The following NELL2 variants were observed in gnomAD, a reference collection of about 807,000 sequenced individuals.
NELL2 encodes the protein neural EGFL like 2.
In NELL2, 41 loss-of-function variants were observed where a neutral mutation model predicts 109.6. The ratio of observed to expected loss-of-function variants is 0.37; its 90% CI spans 0.29 to 0.49. NELL2 has a LOEUF of 0.49. Ranked by LOEUF, NELL2 falls within the 20% of genes least tolerant of loss-of-function variation. The pLI is 0.98. For missense variants in NELL2, 900 were observed against 1,008.3 expected (o/e 0.89, Z 1.45); for synonymous variants, 355 against 344.7 (o/e 1.03, Z -0.33).
rs1054265138 is a variant in NELL2, at chr12:44,665,410, T to C, written c.1444+74A>G. The stretch of plus-strand genomic sequence containing the variant: ...ATTTATGGTATACTTATCAAAAAAA[T>C]GAGAGTCAAAGAAATTTTTAAAAGT... On this transcript the variant is annotated intron_variant, in intron 13 of 19. Transcript: ENST00000429094. 10 of 1,339,512 alleles carry C rather than the reference T, an allele frequency of 7.5e-6. No individual in the cohort carries two copies. The African/African-American group carries it at 1.5e-4, about 20-fold the overall frequency. 83.0% of individuals were successfully genotyped at this position (1,339,512 alleles called of 1,614,324 possible). A position where few individuals can be genotyped will look rare whatever the true frequency, so the allele number is the denominator to read the frequency against.
At chr12:44,881,274 A>G (rs1429972505), upstream of NELL2, among the ~76,000 whole-genome samples, 1 of 152,014 alleles carries the variant, frequency 6.6e-6, no homozygotes, top group African/African-American at 2.4e-5. Flanking sequence ...AATAAGAAAA[A>G]TATAATCAAC....
chr12:44,687,756 A>G (rs1341158924), intron 12 of NELL2, among the ~76,000 whole-genome samples: 1 of 152,228 alleles, frequency 6.6e-6, no homozygotes, highest in Non-Finnish European at 1.5e-5. Context: ...ATCTCTATGC[A>G]TACCTGACCT....
intron 15 of NELL2, among the ~76,000 whole-genome samples, chr12:44,578,225 C>T (rs768999252): frequency 6.6e-6 from 1 of 151,850 alleles, no homozygotes; most frequent in African/African-American, 2.4e-5. Flanking sequence ...AGGAGCTACA[C>T]CTTTCCATTT....
chr12:44,818,015 C>A (rs7964721), intron 2 of NELL2, among the ~76,000 whole-genome samples: 6 of 152,228 alleles, frequency 3.9e-5, no homozygotes, highest in East Asian at 1.9e-4. Flanking sequence ...AGAAACTCTC[C>A]TGTTGCCGAA....
intron 2 of NELL2, among the ~76,000 whole-genome samples, chr12:44,850,266 T>G (rs1176280509): frequency 1.3e-5 from 2 of 152,134 alleles, no homozygotes; most frequent in Admixed American, 6.6e-5. Flanking sequence ...TTTTTCATAA[T>G]TAATTATACA....
intron 13 of NELL2, among the ~76,000 whole-genome samples, chr12:44,662,355 A>G (rs1305666076): frequency 2.0e-5 from 3 of 152,216 alleles, no homozygotes; most frequent in African/African-American, 7.2e-5. Flanking sequence ...AATATGAATC[A>G]TTTCCCTTTA....
upstream of NELL2, among the ~76,000 whole-genome samples, chr12:44,880,105 C>A: frequency 7.3e-6 from 1 of 137,422 alleles, no homozygotes. Context: ...GAAAAATAGT[C>A]AAGAAACATA....
intron 15 of NELL2, among the ~76,000 whole-genome samples, chr12:44,551,976 G>C (rs1004385875): frequency 1.3e-5 from 2 of 152,148 alleles, no homozygotes; most frequent in African/African-American, 4.8e-5. Context: ...CACAGGTCGT[G>C]CATGTAGGCA....
chr12:44,672,994 C>G (rs771536593), intron 12 of NELL2, among the ~76,000 whole-genome samples: 5 of 152,130 alleles, frequency 3.3e-5, no homozygotes, highest in Non-Finnish European at 7.3e-5. Flanking sequence ...TGATTTGGAT[C>G]TCATAGACAT....
intron 9 of NELL2, among the ~76,000 whole-genome samples, chr12:44,763,916 C>T (rs1353424289): frequency 6.6e-6 from 1 of 152,022 alleles, no homozygotes; most frequent in East Asian, 1.9e-4. Context: ...TAATAGTTAA[C>T]AAGTTGGAAG....
At chr12:44,802,953 T>C (rs1942883741) in intron 3 of NELL2, among the ~76,000 whole-genome samples, 1 of 151,964 alleles carries the variant, frequency 6.6e-6, no homozygotes, top group African/African-American at 2.4e-5. Context: ...GATAAAACAC[T>C]AATCAAAATC....
chr12:44,895,123 G>C (rs1386724225), intron 1 of NELL2, among the ~76,000 whole-genome samples: 1 of 152,172 alleles, frequency 6.6e-6, no homozygotes, highest in African/African-American at 2.4e-5. Flanking sequence ...AGATTCTAGA[G>C]AGAAGCCTGA....
chr12:44,535,422 T>G (rs185792088), intron 15 of NELL2, among the ~76,000 whole-genome samples: 1 of 152,182 alleles, frequency 6.6e-6, no homozygotes, highest in East Asian at 1.9e-4. Flanking sequence ...ATTTATTGAA[T>G]GCATTTTATG....
At chr12:44,918,510 T>C (rs964851740), upstream of NELL2, among the ~76,000 whole-genome samples, 1 of 142,140 alleles carries the variant, frequency 7.0e-6, no homozygotes, top group Non-Finnish European at 1.5e-5. Context: ...TGTTCATGCA[T>C]GCATGTATGT....
intron 3 of NELL2, among the ~76,000 whole-genome samples, chr12:44,787,255 A>G (rs1038342747): frequency 1.3e-5 from 2 of 152,096 alleles, no homozygotes; most frequent in African/African-American, 2.4e-5. Flanking sequence ...ACAACATAAC[A>G]CTGATGAAAG....
intron 15 of NELL2, among the ~76,000 whole-genome samples, chr12:44,600,612 C>A (rs1230623440): frequency 6.6e-6 from 1 of 152,128 alleles, no homozygotes; most frequent in Non-Finnish European, 1.5e-5. Context: ...CATGGGGGCA[C>A]CCCCCAAAAA....
intron 3 of NELL2, among the ~76,000 whole-genome samples, chr12:44,807,898 A>G (rs1268554666): frequency 6.6e-6 from 1 of 152,058 alleles, no homozygotes; most frequent in East Asian, 1.9e-4. Context: ...CACAAAAACC[A>G]AAATTCCAGT....
intron 2 of NELL2, among the ~76,000 whole-genome samples, chr12:44,846,052 C>T (rs1423608049): frequency 2.0e-5 from 3 of 152,150 alleles, no homozygotes; most frequent in African/African-American, 7.2e-5. Context: ...GGACTTGGAA[C>T]ATTTACACCA....
intron 9 of NELL2, among the ~76,000 whole-genome samples, chr12:44,768,121 T>C (rs1015689230): frequency 1.3e-5 from 2 of 152,186 alleles, no homozygotes; most frequent in Non-Finnish European, 2.9e-5. Flanking sequence ...GCTGACTAAT[T>C]AACAGTAGAT....
Sources: allele counts gnomAD v4.1 joint callset (sites outside exome capture counted in the v4.1 genomes callset), GRCh38; gene constraint gnomAD v4.1.1; transcripts MANE v1.5; gene names NCBI Gene and HGNC (gene_info 2026-07-23, HGNC 2026-07-21).